The following PTPRO variants were observed in gnomAD, a reference collection of about 807,000 sequenced individuals.
The protein encoded by PTPRO is protein tyrosine phosphatase receptor type O, also known as receptor-type tyrosine-protein phosphatase O.
A neutral mutation model predicts 145.2 loss-of-function variants in PTPRO; 62 were observed. The observed-to-expected ratio is 0.43, with a 90% CI of 0.35 to 0.53. The LOEUF is 0.53. PTPRO is among the 20% of genes least tolerant of loss of function. The pLI, the probability that PTPRO is intolerant of heterozygous loss-of-function variation, is 0.01. For synonymous variants in PTPRO, 565 were observed against 514.7 expected, an observed-to-expected ratio of 1.10 and a Z score of -1.32; for missense variants, 1,345 against 1,482.7, an observed-to-expected ratio of 0.91 and a Z score of 1.53.
At chr12:15,416,281 G>A (rs1019261070) in intron 1 of PTPRO, among the ~76,000 whole-genome samples, 7 of 150,876 alleles carry the variant, frequency 4.6e-5, no homozygotes, top group African/African-American at 1.2e-4. Flanking sequence ...ATGATTAATG[G>A]TCAAACTAAA....
chr12:15,526,003 CGT>C, intron 11 of PTPRO, 137 bp from the exon 12 acceptor site: 1 of 1,119,762 alleles, frequency 8.9e-7, no homozygotes, highest in Non-Finnish European at 1.3e-6. Flanking sequence ...GAAGATATAA[CGT>C]ATCTATAATA....
chr12:15,348,071 G>A (rs773970623), intron 1 of PTPRO, among the ~76,000 whole-genome samples: 12 of 152,072 alleles, frequency 7.9e-5, no homozygotes, highest in Non-Finnish European at 1.5e-4. Context: ...AACCCTAACC[G>A]TAACTGTGGA....
chr12:15,380,539 A>T (rs905517872), intron 1 of PTPRO, among the ~76,000 whole-genome samples: 3 of 152,154 alleles, frequency 2.0e-5, no homozygotes, highest in Non-Finnish European at 4.4e-5. Flanking sequence ...ATTAAATGGT[A>T]TTTGGATCAT....
In PTPRO at chr12:15,526,186, C is replaced by T. The variant is rs6488782; in HGVS notation, c.2088C>T (p.Gly696=). The change falls in exon 12 of 27, where the codon GGC becomes GGT. Residue 696 remains glycine (G), a synonymous_variant. Coordinates refer to ENST00000281171, the MANE Select transcript of PTPRO (RefSeq NM_030667.3). The part of the protein sequence containing the change: ...VMTAILSLPP[G]DIYNLSVTAC... ...CTGCAATTCTCAGCTTGCCTCCAGG[C>T]GACATCTATAACCTCTCAGTAACTG... is the stretch of plus-strand genomic sequence containing the variant. 4 of 1,613,492 alleles carry T rather than the reference C, an allele frequency of 2.5e-6. No individual in the cohort carries two copies. The highest frequency in any genetic ancestry group is 3.4e-6 in the Non-Finnish European group (4 of 1,179,822).
intron 1 of PTPRO, among the ~76,000 whole-genome samples, chr12:15,405,344 G>T (rs1485849949): frequency 1.3e-5 from 2 of 151,700 alleles, no homozygotes; most frequent in African/African-American, 4.8e-5. Context: ...TTATTTGCCT[G>T]CATTAAGTTT....
chr12:15,510,056 T>C (rs1270265887), intron 7 of PTPRO, among the ~76,000 whole-genome samples: 4 of 152,182 alleles, frequency 2.6e-5, no homozygotes, highest in African/African-American at 7.2e-5. Context: ...AAAAAATAAT[T>C]ATCAATTCTT....
At chr12:15,360,135 G>A (rs1305689642) in intron 1 of PTPRO, among the ~76,000 whole-genome samples, 1 of 152,058 alleles carries the variant, frequency 6.6e-6, no homozygotes, top group Non-Finnish European at 1.5e-5. Context: ...CCAGCATCAC[G>A]TTTTTACCCT....
Position 15,413,220 on chromosome 12 carries a change from A to G in PTPRO, c.76-70754A>G, listed in dbSNP as rs1264655760. 2.0e-5 allele frequency among the ~76,000 whole-genome samples: 3 copies of G among 152,044 alleles called. No homozygotes were observed. In the East Asian group the frequency reaches 5.8e-4, roughly 30 times the overall value. On this transcript the variant is annotated intron_variant, in intron 1 of 26. Transcript: ENST00000281171. Reference sequence around the variant, plus strand: ...ATTCTTGTGCCTCAGCCTCCCAAGCAGCTGGGACTACAGGCGCCTGCCACC... The same window carrying G: ...ATTCTTGTGCCTCAGCCTCCCAAGCGGCTGGGACTACAGGCGCCTGCCACC...
intron 18 of PTPRO, among the ~76,000 whole-genome samples, chr12:15,567,823 T>A (rs905666576): frequency 6.6e-6 from 1 of 152,136 alleles, no homozygotes; most frequent in South Asian, 2.1e-4. Flanking sequence ...TTAGTAGACA[T>A]GTGATGTTGG....
chr12:15,563,805 A>G (rs1015174557), intron 17 of PTPRO, among the ~76,000 whole-genome samples: 1 of 152,076 alleles, frequency 6.6e-6, no homozygotes, highest in Non-Finnish European at 1.5e-5. Flanking sequence ...GCCTGTTTGG[A>G]TAGGAAAGTA....
At chr12:15,533,855 T>C (rs1231309533) in intron 12 of PTPRO, among the ~76,000 whole-genome samples, 1 of 152,180 alleles carries the variant, frequency 6.6e-6, no homozygotes, top group Non-Finnish European at 1.5e-5. Flanking sequence ...TGCAGTTCAA[T>C]TTATCTATAA....
At chr12:15,519,619 TA>T (rs1942672040) in intron 9 of PTPRO, among the ~76,000 whole-genome samples, 1 of 152,254 alleles carries the variant, frequency 6.6e-6, no homozygotes, top group Non-Finnish European at 1.5e-5. Flanking sequence ...TGACACTGCC[TA>T]ATTTTAATGA....
chr12:15,502,107 G>A (rs557935821), intron 5 of PTPRO, 44 bp downstream of exon 5: 2 of 1,534,848 alleles, frequency 1.3e-6, no homozygotes, highest in East Asian at 2.2e-5. Flanking sequence ...TGATACAAAG[G>A]AAGGGGAATT....
intron 24 of PTPRO, among the ~76,000 whole-genome samples, chr12:15,588,106 T>C (rs1255883445): frequency 6.6e-6 from 1 of 152,220 alleles, no homozygotes; most frequent in Admixed American, 6.5e-5. Flanking sequence ...CTCAAAATGG[T>C]TCTTTTCAAG....
chr12:15,551,832 A>T (rs878959602), intron 15 of PTPRO, among the ~76,000 whole-genome samples, 161 bp downstream of exon 15: 1 of 152,080 alleles, frequency 6.6e-6, no homozygotes, highest in Admixed American at 6.5e-5. Flanking sequence ...ACTTCGAAAC[A>T]TTATATTGGA....
Position 15,526,187 on chromosome 12 carries a change from G to A in PTPRO, c.2089G>A (p.Asp697Asn). 1.1e-5 allele frequency: 17 copies of A among 1,613,850 alleles called. No homozygotes were observed. Among genetic ancestry groups the A allele is most frequent in the Non-Finnish European group, 1.4e-5 (17 of 1,179,864 alleles). ...TGCAATTCTCAGCTTGCCTCCAGGC[G>A]ACATCTATAACCTCTCAGTAACTGC... ...MTAILSLPPG[D>N]IYNLSVTACT... Residue 697 changes from aspartate (D) to asparagine (N), a missense_variant, in exon 12 of 27, where the codon GAC becomes AAC. Around this residue, in one of 3 missense-constraint regions of PTPRO, gnomAD observed 1,130 missense variants for 1,214.7 expected, o/e 0.93. Coordinates refer to ENST00000281171, the MANE Select transcript of PTPRO (RefSeq NM_030667.3).
chr12:15,501,101 G>A (rs7954621), intron 4 of PTPRO, among the ~76,000 whole-genome samples: 152,017 of 152,298 alleles, frequency 1, 75,869 homozygotes, highest in Non-Finnish European at 1. Context: ...TTCATTTTAG[G>A]GAGGTGAGGA....
intron 25 of PTPRO, among the ~76,000 whole-genome samples, chr12:15,591,901 A>G (rs1373308834): frequency 6.6e-6 from 1 of 151,988 alleles, no homozygotes; most frequent in East Asian, 1.9e-4. Flanking sequence ...AAAATTAATT[A>G]TGAAATAATT....
At chr12:15,414,206 G>T (rs752148903) in intron 1 of PTPRO, among the ~76,000 whole-genome samples, 1 of 152,202 alleles carries the variant, frequency 6.6e-6, no homozygotes, top group Non-Finnish European at 1.5e-5. Context: ...CGTTAGAGGA[G>T]TGTTCTTCAA....
Sources: gnomAD v4.1 joint callset for allele counts (sites outside exome capture counted in the v4.1 genomes callset) on GRCh38, gnomAD v4.1.1 for gene constraint, gnomAD v4.1.1 regional missense constraint, MANE v1.5 for transcripts, NCBI Gene and HGNC (gene_info 2026-07-23, HGNC 2026-07-21) for gene names.